The following C1orf115 variants were observed in gnomAD, a reference collection of about 807,000 sequenced individuals.
C1orf115 encodes required for drug-induced death protein 1.
A neutral mutation model predicts 12.5 loss-of-function variants in C1orf115; 14 were observed. The ratio of observed to expected loss-of-function variants is 1.12; its 90% CI spans 0.74 to 1.75. The LOEUF (loss-of-function observed/expected upper bound fraction) is 1.75, where lower values mean the gene tolerates loss of function less well. Ranked by LOEUF, C1orf115 falls within the 40% of genes most tolerant of loss-of-function variation. The pLI, the probability that C1orf115 is intolerant of heterozygous loss-of-function variation, is 0.00. For synonymous variants in C1orf115, 109 were observed against 104.6 expected (o/e 1.04, Z -0.26); for missense variants, 237 against 220.8 (o/e 1.07, Z -0.46).
At chr1:220,694,094 A>AAAAGC (rs1670153418) in intron 1 of C1orf115, among the ~76,000 whole-genome samples, 1 of 151,808 alleles carries the variant, frequency 6.6e-6, no homozygotes, top group African/African-American at 2.4e-5. Flanking sequence ...AAAAAAAAAA[A>AAAAGC]AAAAAAAAGC....
At chr1:220,690,827 C>A in intron 1 of C1orf115, 116 bp downstream of exon 1, 1 of 1,216,162 alleles carries the variant, frequency 8.2e-7, no homozygotes, top group Non-Finnish European at 1.1e-6. Flanking sequence ...ACCTGCGACC[C>A]CTCCGCCCCC....
chr1:220,690,898 G>C (rs1046127570), intron 1 of C1orf115, among the ~76,000 whole-genome samples, 187 bp downstream of exon 1: 2 of 152,136 alleles, frequency 1.3e-5, no homozygotes, highest in East Asian at 3.9e-4. Flanking sequence ...AACTTAAATC[G>C]GGGGTTGCGC....
At chr1:220,690,879 C>A (rs1000404198) in intron 1 of C1orf115, among the ~76,000 whole-genome samples, 168 bp downstream of exon 1, 5 of 152,100 alleles carry the variant, frequency 3.3e-5, no homozygotes, top group African/African-American at 9.7e-5. Context: ...AGTTGCGAGT[C>A]GTGATAGAAA....
rs146983237 is a variant in C1orf115, at chr1:220,696,827, A to G, written c.*96A>G. On this transcript the variant is annotated 3_prime_UTR_variant, in exon 2 of 2. Coordinates refer to ENST00000294889, the MANE Select transcript of C1orf115 (RefSeq NM_024709.5). The stretch of plus-strand genomic sequence containing the variant: ...AGCATCTCAGACTTGAACACACAGC[A>G]TATTTGGAAGAGAAAACATGCCTTT... The G allele has an allele frequency of 7.4e-4, 1,042 of 1,417,396 alleles. 9 individuals are homozygous for G. The African/African-American group carries it at 0.012, about 16-fold the overall frequency. 87.8% of individuals were successfully genotyped at this position (1,417,396 alleles called of 1,614,324 possible).
At chr1:220,694,120 G>T (rs963280862) in intron 1 of C1orf115, among the ~76,000 whole-genome samples, 2 of 142,648 alleles carry the variant, frequency 1.4e-5, no homozygotes, top group African/African-American at 5.1e-5. Flanking sequence ...TAAGCCAGAA[G>T]TCATAGGAAA....
In C1orf115 at chr1:220,698,463, A is replaced by C. The variant is rs1466109507; in HGVS notation, c.*1732A>C. On this transcript the variant is annotated 3_prime_UTR_variant, in exon 2 of 2. Transcript: ENST00000294889. ...TGATCTGGTTTTAGCCCAGATGATG[A>C]AAGTGGATATGGCACATTTTCACAC... 6.6e-6 allele frequency: 1 copy of C among 152,272 alleles called. No homozygotes were observed. Among genetic ancestry groups the C allele is most frequent in the African/African-American group, 2.4e-5 (1 of 41,472 alleles). 9.4% of individuals were successfully genotyped at this position (152,272 alleles called of 1,614,324 possible).
At chr1:220,693,160 G>T (rs1670139235) in intron 1 of C1orf115, among the ~76,000 whole-genome samples, 1 of 152,144 alleles carries the variant, frequency 6.6e-6, no homozygotes, top group South Asian at 2.1e-4. Context: ...TCAGATCAAA[G>T]AATTCCAAAT....
chr1:220,690,810 G>T, intron 1 of C1orf115, 99 bp downstream of exon 1: 2 of 1,373,012 alleles, frequency 1.5e-6, no homozygotes, highest in Non-Finnish European at 9.8e-7. Flanking sequence ...CAGTTTCTCC[G>T]GGCTGCACCT....
chr1:220,690,678 G>C lies in C1orf115; in HGVS notation c.276G>C (p.Lys92Asn). The change falls in exon 1 of 2, where the codon AAG becomes AAC. Residue 92 changes from lysine to asparagine, a missense_variant. Lys to Asn is a moderately conservative substitution (Grantham distance 94). Coordinates refer to ENST00000294889, the MANE Select transcript of C1orf115 (RefSeq NM_024709.5). ...EEPAPSEQPR[K>N]RYRRKLKKYG... is the part of the protein sequence containing the mutation. Reference sequence around the variant, plus strand: ...CGGCGCCGAGCGAGCAGCCCAGGAAGAGGTACCGGAGGAAGCTGAAGAAGT... The same window carrying C: ...CGGCGCCGAGCGAGCAGCCCAGGAACAGGTACCGGAGGAAGCTGAAGAAGT... 1.3e-6 allele frequency: 2 copies of C among 1,596,468 alleles called. No homozygotes were observed. Among genetic ancestry groups the C allele is most frequent in the Non-Finnish European group, 1.7e-6 (2 of 1,172,750 alleles).
intron 1 of C1orf115, among the ~76,000 whole-genome samples, chr1:220,693,337 G>C (rs75072531): frequency 0.03 from 4,551 of 152,108 alleles, 102 homozygotes; most frequent in Middle Eastern, 0.051. Flanking sequence ...AGTATAACAG[G>C]CTGAGCAAAA....
rs148743126 is a variant in C1orf115 at position 220,691,149 on chromosome 1, G to T, written c.309+438G>T. ...CCCTCCAGGATATCCCACTAGTTGA[G>T]AAATGTTTGGGTTACTCTCCCAAAT... On this transcript the variant is annotated intron_variant, in intron 1 of 1. Coordinates refer to ENST00000294889, the MANE Select transcript of C1orf115 (RefSeq NM_024709.5). Among the ~76,000 whole-genome samples, 1,286 of 152,264 alleles carry T rather than the reference G, an allele frequency of 8.4e-3. 15 individuals are homozygous for T. Among genetic ancestry groups the T allele is most frequent in the African/African-American group, 0.028 (1,174 of 41,540 alleles).
At chr1:220,692,653 A>G (rs1316926745) in intron 1 of C1orf115, among the ~76,000 whole-genome samples, 1 of 152,208 alleles carries the variant, frequency 6.6e-6, no homozygotes, top group South Asian at 2.1e-4. Context: ...GGAAAGAGGA[A>G]TGGAGCCCAT....
intron 1 of C1orf115, among the ~76,000 whole-genome samples, chr1:220,695,871 G>A (rs958322417): frequency 3.3e-5 from 5 of 152,064 alleles, no homozygotes; most frequent in African/African-American, 1.2e-4. Context: ...GAAGACCATG[G>A]GCAGCCGTGC....
chr1:220,691,228 C>T (rs1670102539), intron 1 of C1orf115, among the ~76,000 whole-genome samples: 1 of 151,918 alleles, frequency 6.6e-6, no homozygotes, highest in Non-Finnish European at 1.5e-5. Flanking sequence ...TAAATAGGCG[C>T]TCGTTGAATT....
At position 220,699,090 on chromosome 1, in the gene C1orf115, C is replaced by G. The variant is rs1459075678; in HGVS notation, c.*2359C>G. The G allele has an allele frequency of 3.3e-5, 5 of 152,066 alleles. No individual in the cohort carries two copies. The highest frequency in any genetic ancestry group is 7.4e-5 in the Non-Finnish European group (5 of 68,024). The allele number at this position is 152,066 out of a possible 1,614,324, so 9.4% of individuals were successfully genotyped here. On this transcript the variant is annotated 3_prime_UTR_variant, in exon 2 of 2. Transcript: ENST00000294889. ...AGAGCTTTCGCTTGATGTGCTTGAC[C>G]AAGAGACTTCTTTTGTATCCTTTTC...
intron 1 of C1orf115, among the ~76,000 whole-genome samples, chr1:220,694,685 G>T (rs1670163254): frequency 6.6e-6 from 1 of 152,212 alleles, no homozygotes; most frequent in Admixed American, 6.5e-5. Flanking sequence ...TGTGCTTAGG[G>T]CTACAAGGGA....
intron 1 of C1orf115, among the ~76,000 whole-genome samples, chr1:220,692,176 A>G (rs994293277): frequency 6.6e-6 from 1 of 152,242 alleles, no homozygotes; most frequent in African/African-American, 2.4e-5. Flanking sequence ...AATTGGAACC[A>G]TTGTACATTG....
chr1:220,690,795 T>G, intron 1 of C1orf115, 84 bp downstream of exon 1: 2 of 1,455,154 alleles, frequency 1.4e-6, no homozygotes, highest in Non-Finnish European at 1.8e-6. Context: ...TACCATCGAC[T>G]CACCCAGTTT....
intron 1 of C1orf115, among the ~76,000 whole-genome samples, chr1:220,691,244 C>G (rs906063594): frequency 6.6e-6 from 1 of 152,012 alleles, no homozygotes; most frequent in African/African-American, 2.4e-5. Flanking sequence ...GAATTTTTCT[C>G]GTCTAGCCAA....
Sources: gnomAD v4.1 joint callset for allele counts (sites outside exome capture counted in the v4.1 genomes callset) on GRCh38, gnomAD v4.1.1 for gene constraint, MANE v1.5 for transcripts, NCBI Gene and HGNC (gene_info 2026-07-23, HGNC 2026-07-21) for gene names.